XRCC4: variants seen among roughly 807,000 people sequenced by gnomAD.
XRCC4 encodes the protein X-ray repair cross complementing 4.
In XRCC4, 28 loss-of-function variants were observed where a neutral mutation model predicts 39.1. The ratio of observed to expected loss-of-function variants is 0.72; its 90% confidence interval spans 0.53 to 0.98. The LOEUF is 0.98. XRCC4 is among the 50% of genes least tolerant of loss of function. The probability of loss-of-function intolerance (pLI) is 0.00; values close to 1 mark genes in which losing one functional copy is unlikely to be tolerated. For missense variants in XRCC4, 350 were observed against 376.4 expected, an observed-to-expected ratio of 0.93 and a Z score of 0.58; for synonymous variants, 123 against 126.4, an observed-to-expected ratio of 0.97 and a Z score of 0.18.
At chr5:83,174,436 G>A (rs1189271382) in intron 3 of XRCC4, among the ~76,000 whole-genome samples, 2 of 152,072 alleles carry the variant, frequency 1.3e-5, no homozygotes, top group African/African-American at 4.8e-5. Flanking sequence ...TATTGTCAGA[G>A]TAATCCTTTC....
chr5:83,137,027 T>C (rs940653744), intron 3 of XRCC4, among the ~76,000 whole-genome samples: 5 of 152,178 alleles, frequency 3.3e-5, no homozygotes, highest in Non-Finnish European at 7.4e-5. Flanking sequence ...TTTCACATTG[T>C]AGACATAGAT....
At chr5:83,295,654 G>A (rs1344459340) in intron 7 of XRCC4, among the ~76,000 whole-genome samples, 1 of 151,956 alleles carries the variant, frequency 6.6e-6, no homozygotes, top group Admixed American at 6.6e-5. Context: ...GAGGCTCCAA[G>A]GTGGGAAGAA....
chr5:83,358,875 T>C, the XRCC4 span, among the ~76,000 whole-genome samples: 2 of 152,158 alleles, frequency 1.3e-5, no homozygotes, highest in African/African-American at 4.8e-5. Flanking sequence ...GGTGGGACAG[T>C]AAGCATAAAA....
chr5:83,158,029 A>G (rs1379270081), intron 3 of XRCC4, among the ~76,000 whole-genome samples: 1 of 152,100 alleles, frequency 6.6e-6, no homozygotes, highest in Non-Finnish European at 1.5e-5. Context: ...TATTTACTCA[A>G]ATGCAATTTG....
intron 6 of XRCC4, among the ~76,000 whole-genome samples, chr5:83,234,938 A>G (rs559356020): frequency 1.4e-4 from 21 of 151,598 alleles, no homozygotes; most frequent in Admixed American, 9.9e-4. Context: ...TATTAAATAT[A>G]CATATAATTT....
At chr5:83,083,447 A>G (rs925924118) in intron 1 of XRCC4, among the ~76,000 whole-genome samples, 4 of 140,432 alleles carry the variant, frequency 2.8e-5, no homozygotes, top group African/African-American at 1.1e-4. Flanking sequence ...CACAATCTCT[A>G]CTCACTACAA....
At chr5:83,296,000 T>C (rs1198564218) in intron 7 of XRCC4, among the ~76,000 whole-genome samples, 3 of 152,012 alleles carry the variant, frequency 2.0e-5, no homozygotes, top group African/African-American at 7.2e-5. Flanking sequence ...AGATGAGAGA[T>C]GAAAGGGATA....
At chr5:83,359,487 C>A in the XRCC4 span, among the ~76,000 whole-genome samples, 1 of 152,230 alleles carries the variant, frequency 6.6e-6, no homozygotes, top group East Asian at 1.9e-4. Flanking sequence ...GAGAAATGAG[C>A]AAATTTGCAC....
At chr5:83,119,670 A>C (rs550249973) in intron 3 of XRCC4, among the ~76,000 whole-genome samples, 1 of 152,272 alleles carries the variant, frequency 6.6e-6, no homozygotes, top group Admixed American at 6.5e-5. Flanking sequence ...ACAACTTAGC[A>C]TAAGAACAGA....
intron 3 of XRCC4, among the ~76,000 whole-genome samples, chr5:83,128,447 T>C (rs1747387509): frequency 6.6e-6 from 1 of 152,184 alleles, no homozygotes; most frequent in Non-Finnish European, 1.5e-5. Flanking sequence ...TGTGCATGTG[T>C]CTTTATAGCA....
chr5:83,100,969 G>T (rs927808258), intron 1 of XRCC4, among the ~76,000 whole-genome samples: 1 of 152,058 alleles, frequency 6.6e-6, no homozygotes, highest in African/African-American at 2.4e-5. Flanking sequence ...TATTGTAGGA[G>T]AAAATTTTGA....
At chr5:83,341,144 A>G (rs1756744152) in intron 7 of XRCC4, among the ~76,000 whole-genome samples, 1 of 152,110 alleles carries the variant, frequency 6.6e-6, no homozygotes, top group South Asian at 2.1e-4. Context: ...TAGGTTAAAC[A>G]AGGTTCTTTT....
chr5:83,165,256 T>TA (rs1417693527), intron 3 of XRCC4, among the ~76,000 whole-genome samples: 3 of 152,220 alleles, frequency 2.0e-5, no homozygotes, highest in Non-Finnish European at 4.4e-5. Flanking sequence ...TAAGAAGTTT[T>TA]AAAAAAATTC....
intron 7 of XRCC4, among the ~76,000 whole-genome samples, chr5:83,267,677 C>G (rs932354939): frequency 6.6e-6 from 1 of 152,130 alleles, no homozygotes; most frequent in Non-Finnish European, 1.5e-5. Context: ...AATGGACCAC[C>G]CAGCTACCTC....
At chr5:83,290,788 A>C in intron 7 of XRCC4, among the ~76,000 whole-genome samples, 1 of 151,842 alleles carries the variant, frequency 6.6e-6, no homozygotes, top group East Asian at 1.9e-4. Flanking sequence ...CCCACTATGC[A>C]GAGATCTGTA....
chr5:83,349,355 C>T (rs1428389739), intron 7 of XRCC4, among the ~76,000 whole-genome samples: 1 of 152,106 alleles, frequency 6.6e-6, no homozygotes, highest in Non-Finnish European at 1.5e-5. Context: ...TTATGCTTTT[C>T]AGAATTTACA....
intron 3 of XRCC4, among the ~76,000 whole-genome samples, chr5:83,194,899 A>G (rs995188106): frequency 2.0e-5 from 3 of 152,178 alleles, no homozygotes; most frequent in African/African-American, 7.2e-5. Flanking sequence ...TGTGGATATG[A>G]TAATAGTTCT....
chr5:83,189,327 C>G (rs142290363), intron 3 of XRCC4, among the ~76,000 whole-genome samples: 232 of 152,080 alleles, frequency 1.5e-3, no homozygotes, highest in African/African-American at 5.4e-3. Flanking sequence ...CCCACTATGA[C>G]TTTTGCAATT....
intron 6 of XRCC4, among the ~76,000 whole-genome samples, chr5:83,207,251 G>A (rs550402249): frequency 5.3e-5 from 8 of 152,136 alleles, no homozygotes; most frequent in African/African-American, 1.7e-4. Flanking sequence ...GAGAAAATAC[G>A]TGGTTAAATA....
Sources: allele counts gnomAD v4.1 joint callset (sites outside exome capture counted in the v4.1 genomes callset), GRCh38; gene constraint gnomAD v4.1.1; transcripts MANE v1.5; gene names NCBI Gene and HGNC (gene_info 2026-07-23, HGNC 2026-07-21).